MYO1E: variants seen among roughly 807,000 people sequenced by gnomAD.
MYO1E encodes the protein myosin IE, also known as unconventional myosin-Ie.
MYO1E carries 68 observed loss-of-function variants against 151.1 expected under a neutral mutation model. That is an observed-to-expected ratio of 0.45 (90% CI 0.37 to 0.55). MYO1E has a LOEUF of 0.55. MYO1E is among the 20% of genes least tolerant of loss of function. The pLI is 0.00. For missense variants in MYO1E, 1,363 were observed against 1,389.3 expected, an observed-to-expected ratio of 0.98 and a Z score of 0.30; for synonymous variants, 601 against 501.7, an observed-to-expected ratio of 1.20 and a Z score of -2.64.
At chr15:59,328,263 G>A (rs1165025841) in intron 1 of MYO1E, among the ~76,000 whole-genome samples, 1 of 152,134 alleles carries the variant, frequency 6.6e-6, no homozygotes, top group Non-Finnish European at 1.5e-5. Context: ...CTGGGGAAGT[G>A]ACCTTCTGCT....
In MYO1E at chr15:59,194,745, C is replaced by A. The variant is rs2171287; in HGVS notation, c.1805+716G>T. 7.9e-3 allele frequency among the ~76,000 whole-genome samples: 1,205 copies of A among 152,250 alleles called. 9 individuals carry two copies. The highest frequency in any genetic ancestry group is 0.028 in the African/African-American group (1,154 of 41,544). ...AACAATGTGTGTCTGGGTCTCCCAG[C>A]GGGCCACAAAATTCATACCCTCTAG... On this transcript the variant is annotated intron_variant, in intron 17 of 27. Coordinates refer to ENST00000288235, the MANE Select transcript of MYO1E (RefSeq NM_004998.4).
intron 18 of MYO1E, among the ~76,000 whole-genome samples, chr15:59,181,301 G>C (rs2140321581): frequency 6.6e-6 from 1 of 152,310 alleles, no homozygotes; most frequent in East Asian, 1.9e-4. Context: ...TTGCAAATCT[G>C]TTATGTTTCT....
chr15:59,260,758 C>T lies in MYO1E; in HGVS notation c.237+662G>A, dbSNP rs781215310. Among the ~76,000 whole-genome samples, 6 of 151,734 alleles carry T rather than the reference C, an allele frequency of 4.0e-5. No homozygotes were observed. The East Asian group carries it at 9.6e-4, about 24-fold the overall frequency. ...TGGTTCTGATTCTGCAAATCAGTAC[C>T]CATTGCTCTATTTTTTTACCCATAA... is the stretch of plus-strand genomic sequence containing the variant. On this transcript the variant is annotated intron_variant, in intron 3 of 27. Transcript: ENST00000288235.
intron 16 of MYO1E, among the ~76,000 whole-genome samples, chr15:59,198,142 A>G (rs1385552650): frequency 2.0e-5 from 3 of 152,240 alleles, no homozygotes; most frequent in African/African-American, 7.2e-5. Flanking sequence ...CTGAGATTAC[A>G]GGTGTGAGCC....
chr15:59,212,992 C>T (rs7165001), intron 12 of MYO1E, among the ~76,000 whole-genome samples: 21,314 of 151,920 alleles, frequency 0.14, 1,755 homozygotes, highest in African/African-American at 0.22. Context: ...GACTTCTTGA[C>T]TTCAGACTCT....
intron 26 of MYO1E, among the ~76,000 whole-genome samples, chr15:59,149,045 T>A (rs574159838): frequency 1.6e-5 from 1 of 62,564 alleles, no homozygotes; most frequent in South Asian, 3.6e-4. Context: ...ACTGTTTTTT[T>A]TTTTTTGTTT....
chr15:59,158,405 A>G, intron 24 of MYO1E, 26 bp from the exon 25 acceptor site: 5 of 1,524,882 alleles, frequency 3.3e-6, no homozygotes, highest in Non-Finnish European at 4.5e-6. Context: ...CAAAGTTAAA[A>G]CCAGTGCTAC....
At chr15:59,184,749 C>G (rs1280320345) in intron 18 of MYO1E, among the ~76,000 whole-genome samples, 1 of 152,218 alleles carries the variant, frequency 6.6e-6, no homozygotes, top group South Asian at 2.1e-4. Flanking sequence ...GCCATAAACA[C>G]AGGCGTGAAC....
chr15:59,170,206 C>T (rs2140315076), intron 22 of MYO1E, among the ~76,000 whole-genome samples: 1 of 152,208 alleles, frequency 6.6e-6, no homozygotes, highest in East Asian at 1.9e-4. Context: ...ACAAATGTAG[C>T]TCAATTAGGA....
intron 1 of MYO1E, among the ~76,000 whole-genome samples, chr15:59,301,672 G>C (rs541665125): frequency 6.6e-6 from 1 of 152,330 alleles, no homozygotes; most frequent in South Asian, 2.1e-4. Flanking sequence ...TCCATATTCT[G>C]CCATGACCTG....
At chr15:59,234,518 CTATT>C (rs1383223858) in intron 5 of MYO1E, among the ~76,000 whole-genome samples, 1 of 152,108 alleles carries the variant, frequency 6.6e-6, no homozygotes, top group African/African-American at 2.4e-5. Flanking sequence ...TGATAGAACA[CTATT>C]TAATTAATAG....
intron 16 of MYO1E, among the ~76,000 whole-genome samples, chr15:59,201,124 T>A (rs78772241): frequency 6.6e-6 from 1 of 151,734 alleles, no homozygotes; most frequent in African/African-American, 2.4e-5. Context: ...TTTTTTTTTT[T>A]GGAGACAGGG....
chr15:59,171,902 G>C lies in MYO1E; in HGVS notation c.2475C>G (p.Ser825=). The change falls in exon 22 of 28, where the codon TCC becomes TCG. Residue 825 remains serine (S), a synonymous_variant. Coordinates refer to ENST00000288235, the MANE Select transcript of MYO1E (RefSeq NM_004998.4). ...KIEIERILSV[S]LSTMQDDIFI... is the part of the protein sequence containing the mutation. ...TCTGCACCTCCACTACTCACCTGAG[G>C]GACACAGACAAGATCCGTTCTATCT... The C allele has an allele frequency of 2.5e-6, 4 of 1,614,164 alleles. No homozygotes were observed. Among genetic ancestry groups the C allele is most frequent in the Admixed American group, 1.7e-5 (1 of 60,026 alleles).
chr15:59,236,781 A>C, intron 4 of MYO1E, 109 bp from the exon 5 acceptor site: 1 of 1,111,762 alleles, frequency 9.0e-7, no homozygotes, highest in Non-Finnish European at 1.3e-6. Context: ...AACAAAAAAA[A>C]CAGGCAGAAA....
chr15:59,318,621 A>T (rs1445884232), intron 1 of MYO1E, among the ~76,000 whole-genome samples: 1 of 152,188 alleles, frequency 6.6e-6, no homozygotes, highest in Non-Finnish European at 1.5e-5. Flanking sequence ...AAAGAGGAAG[A>T]TGTTTTTGTT....
chr15:59,173,935 C>G lies in MYO1E; in HGVS notation c.2165-20G>C, dbSNP rs2079609949. 6.2e-7 allele frequency: 1 copy of G among 1,613,086 alleles called. No individual in the cohort carries two copies. The highest frequency in any genetic ancestry group is 1.1e-5 in the South Asian group (1 of 91,022). On this transcript the variant is annotated intron_variant, in intron 20 of 27. Coordinates refer to ENST00000288235, the MANE Select transcript of MYO1E (RefSeq NM_004998.4). ...CTGAGGCTACAATTCCCAAGAGGGT[C>G]AAGATGGAAGAAGGATAAGTCAGTC...
At position 59,269,161 on chromosome 15, in the gene MYO1E, A is replaced by T. The variant is rs1177419206; in HGVS notation, c.147+3145T>A. Among the ~76,000 whole-genome samples the T allele has an allele frequency of 3.3e-5, 5 of 152,198 alleles. No individual in the cohort carries two copies. In the South Asian group the frequency reaches 1.0e-3, roughly 31 times the overall value. ...TGGAATTTTTGGAAAATAACTCGGA[A>T]ATATGGGAAGCACTTACACACCTGC... On this transcript the variant is annotated intron_variant, in intron 2 of 27. Transcript: ENST00000288235.
intron 3 of MYO1E, among the ~76,000 whole-genome samples, chr15:59,256,751 G>A (rs1218195614): frequency 1.3e-5 from 2 of 152,100 alleles, no homozygotes; most frequent in East Asian, 1.9e-4. Flanking sequence ...AGACACTTGG[G>A]CAACAGGTCT....
At chr15:59,282,993 G>A (rs2080366169) in intron 1 of MYO1E, among the ~76,000 whole-genome samples, 2 of 113,668 alleles carry the variant, frequency 1.8e-5, no homozygotes, top group African/African-American at 3.3e-5. Flanking sequence ...GGGGAAAGGG[G>A]AAAGGGAAAG....
Sources: allele counts gnomAD v4.1 joint callset (sites outside exome capture counted in the v4.1 genomes callset), GRCh38; gene constraint gnomAD v4.1.1; transcripts MANE v1.5; gene names NCBI Gene and HGNC (gene_info 2026-07-23, HGNC 2026-07-21).